The following ENOX1 variants were observed in gnomAD, a reference collection of about 807,000 sequenced individuals.
The protein encoded by ENOX1 is ecto-NOX disulfide-thiol exchanger 1.
A neutral mutation model predicts 82.5 loss-of-function variants in ENOX1; 42 were observed. That is an observed-to-expected ratio of 0.51 (90% CI 0.40 to 0.66). The LOEUF (loss-of-function observed/expected upper bound fraction) is 0.66, where lower values mean the gene tolerates loss of function less well. Among genes scored for constraint, ENOX1 ranks in the 30% least tolerant of loss-of-function variants. The pLI is 0.00. For missense variants in ENOX1, 608 were observed against 811.6 expected (o/e 0.75, Z 3.05); for synonymous variants, 271 against 282.2 (o/e 0.96, Z 0.40).
At position 43,247,859 on chromosome 13, in the gene ENOX1, ATATATATATATATATATATATATAT is replaced by A. The variant is rs2043192787; in HGVS notation, c.1612-11146_1612-11122del. ...TATATATATATATATATATATATAT[ATATATATATATATATATATATATAT>A]TTTTTTTTTTTTTTTTTTTGAGACG... On this transcript the variant is annotated intron_variant, in intron 14 of 16. Coordinates refer to ENST00000690772, the MANE Select transcript of ENOX1 (RefSeq NM_001347969.2). Among the ~76,000 whole-genome samples the A allele has an allele frequency of 2.3e-3, 4 of 1,764 alleles. 1 individual carries two copies. Among genetic ancestry groups the A allele is most frequent in the Admixed American group, 8.3e-3 (1 of 120 alleles). 1.2% of individuals were successfully genotyped at this position (1,764 alleles called of 152,430 possible). A position where few individuals can be genotyped will look rare whatever the true frequency, so the allele number is the denominator to read the frequency against.
intron 1 of ENOX1, among the ~76,000 whole-genome samples, chr13:43,782,389 C>G (rs1276817673): frequency 6.6e-6 from 1 of 152,170 alleles, no homozygotes; most frequent in Non-Finnish European, 1.5e-5. Context: ...TATATCCAGA[C>G]AGTGGAAAAT....
chr13:43,307,627 G>T (rs766255554), intron 11 of ENOX1, among the ~76,000 whole-genome samples: 2 of 152,062 alleles, frequency 1.3e-5, no homozygotes, highest in African/African-American at 2.4e-5. Flanking sequence ...CAGCCTTCTG[G>T]GCTTCTCTGC....
chr13:43,673,662 C>A (rs73479956), intron 1 of ENOX1, among the ~76,000 whole-genome samples: 3,125 of 152,342 alleles, frequency 0.021, 124 homozygotes, highest in African/African-American at 0.072. Flanking sequence ...ACTGGCTGGA[C>A]TATTTCTCTC....
At chr13:43,329,397 G>C (rs1193139139) in intron 9 of ENOX1, among the ~76,000 whole-genome samples, 1 of 152,070 alleles carries the variant, frequency 6.6e-6, no homozygotes, top group Non-Finnish European at 1.5e-5. Flanking sequence ...GAGGAAGAGG[G>C]GTGCGAGGTA....
rs561386835 is a variant in ENOX1 at position 43,602,575 on chromosome 13, T to C, written c.-219+64904A>G. Among the ~76,000 whole-genome samples, 6 of 152,234 alleles carry C rather than the reference T, an allele frequency of 3.9e-5. No individual in the cohort carries two copies. In the South Asian group the frequency reaches 1.2e-3, roughly 32 times the overall value. On this transcript the variant is annotated intron_variant, in intron 2 of 16. Transcript: ENST00000690772. The stretch of plus-strand genomic sequence containing the variant: ...TAATAAAAATGTAGGAAAATGAACA[T>C]TCATGCCAGCTCATGGAAATATAAA...
At chr13:43,429,848 T>C (rs1451040566) in intron 3 of ENOX1, among the ~76,000 whole-genome samples, 2 of 152,194 alleles carry the variant, frequency 1.3e-5, no homozygotes, top group African/African-American at 4.8e-5. Context: ...AATAAGATTA[T>C]ATGAGGAGAA....
At chr13:43,478,071 T>G (rs28607304) in intron 3 of ENOX1, among the ~76,000 whole-genome samples, 53,684 of 146,536 alleles carry the variant, frequency 0.37, 11,955 homozygotes, top group Non-Finnish European at 0.5. Context: ...TTTTTTTTTT[T>G]TTTTTTTTTC....
intron 3 of ENOX1, among the ~76,000 whole-genome samples, chr13:43,457,255 GA>G (rs2057276627): frequency 6.6e-6 from 1 of 152,120 alleles, no homozygotes; most frequent in East Asian, 1.9e-4. Context: ...AGAACTTTAT[GA>G]GTTACTTGGA....
At chr13:43,254,378 T>C (rs1015009780) in intron 14 of ENOX1, among the ~76,000 whole-genome samples, 4 of 152,232 alleles carry the variant, frequency 2.6e-5, no homozygotes, top group African/African-American at 9.6e-5. Context: ...TCCTCTCCTG[T>C]TGAGGAACTC....
At chr13:43,269,156 C>T (rs1457741333) in intron 13 of ENOX1, among the ~76,000 whole-genome samples, 1 of 152,126 alleles carries the variant, frequency 6.6e-6, no homozygotes, top group Admixed American at 6.6e-5. Context: ...TAAGAGGAAA[C>T]CAGCTGCTTA....
chr13:43,749,292 T>C lies in ENOX1; in HGVS notation c.-285+37360A>G, dbSNP rs78202480. On this transcript the variant is annotated intron_variant, in intron 1 of 16. Coordinates refer to ENST00000690772, the MANE Select transcript of ENOX1 (RefSeq NM_001347969.2). ...GGGAATAAATTCAGCTACAATTATTTACAAGGAGGAATTAGGAAGACCCCA... is the reference window on the plus strand; with the variant it reads ...GGGAATAAATTCAGCTACAATTATTCACAAGGAGGAATTAGGAAGACCCCA... 9.0e-3 allele frequency among the ~76,000 whole-genome samples: 1,365 copies of C among 152,328 alleles called. 20 individuals carry two copies. The highest frequency in any genetic ancestry group is 0.031 in the African/African-American group (1,293 of 41,560).
chr13:43,213,776 A>G lies in ENOX1; in HGVS notation c.*214T>C. The stretch of plus-strand genomic sequence containing the variant: ...ATTGTTTGGTTTTCATAGGAAACAG[A>G]TCTGTCACAGTATGAAGCTTTGTTT... On this transcript the variant is annotated 3_prime_UTR_variant, in exon 17 of 17. Coordinates refer to ENST00000690772, the MANE Select transcript of ENOX1 (RefSeq NM_001347969.2). 2.8e-6 allele frequency: 1 copy of G among 356,474 alleles called. No homozygotes were observed. Among genetic ancestry groups the G allele is most frequent in the East Asian group, 5.1e-5 (1 of 19,472 alleles). The allele number at this position is 356,474 out of a possible 1,614,324, so 22.1% of individuals were successfully genotyped here.
At chr13:43,248,474 C>T (rs933318100) in intron 14 of ENOX1, among the ~76,000 whole-genome samples, 5 of 151,662 alleles carry the variant, frequency 3.3e-5, no homozygotes, top group South Asian at 2.1e-4. Context: ...TCTTTAATCT[C>T]GTAGGCTGAA....
At chr13:43,422,461 T>C (rs575793695) in intron 3 of ENOX1, among the ~76,000 whole-genome samples, 4 of 152,316 alleles carry the variant, frequency 2.6e-5, no homozygotes, top group Non-Finnish European at 5.9e-5. Flanking sequence ...TTCTCAAACA[T>C]GAAATTCCAT....
chr13:43,285,562 T>A (rs966341890), intron 12 of ENOX1, among the ~76,000 whole-genome samples: 1 of 152,058 alleles, frequency 6.6e-6, no homozygotes, highest in African/African-American at 2.4e-5. Flanking sequence ...TAAGAAGGAT[T>A]TTTTTTGCCG....
intron 2 of ENOX1, among the ~76,000 whole-genome samples, chr13:43,506,363 T>C (rs1472712746): frequency 6.6e-6 from 1 of 151,194 alleles, no homozygotes; most frequent in African/African-American, 2.4e-5. Flanking sequence ...TGTGGAGAAA[T>C]AGGAACACTT....
At chr13:43,700,723 C>G (rs905256398) in intron 1 of ENOX1, among the ~76,000 whole-genome samples, 1 of 152,036 alleles carries the variant, frequency 6.6e-6, no homozygotes, top group Non-Finnish European at 1.5e-5. Flanking sequence ...AAATTATAGT[C>G]ACATGATAGT....
chr13:43,306,728 G>A (rs1382900559), intron 11 of ENOX1, among the ~76,000 whole-genome samples: 1 of 152,178 alleles, frequency 6.6e-6, no homozygotes, highest in Non-Finnish European at 1.5e-5. Context: ...TCTTACAAAT[G>A]TCCTTCCTTT....
chr13:43,220,682 T>C (rs2041740115), intron 16 of ENOX1, among the ~76,000 whole-genome samples: 1 of 152,176 alleles, frequency 6.6e-6, no homozygotes. Flanking sequence ...CTTTATGTAG[T>C]CAAGTGGGGA....
Sources: gnomAD v4.1 joint callset for allele counts (sites outside exome capture counted in the v4.1 genomes callset) on GRCh38, gnomAD v4.1.1 for gene constraint, MANE v1.5 for transcripts, NCBI Gene and HGNC (gene_info 2026-07-23, HGNC 2026-07-21) for gene names.